Variants in SYNE1 observed in about 807,000 individuals in gnomAD.
SYNE1 encodes the protein nesprin-1.
SYNE1 carries 616 observed loss-of-function variants against 1,111.0 expected under a neutral mutation model. That is an observed-to-expected ratio of 0.55 (90% CI 0.52 to 0.59). The LOEUF (loss-of-function observed/expected upper bound fraction) is 0.59. SYNE1 is among the 20% of genes least tolerant of loss of function. SYNE1 has a pLI of 0.00. For missense variants in SYNE1, 10,006 were observed against 10,417.0 expected (o/e 0.96, Z 1.72); for synonymous variants, 3,855 against 3,825.8 (o/e 1.01, Z -0.28).
At chr6:152,152,218 T>C (rs1317791506) in intron 133 of SYNE1, 77 bp from the exon 134 acceptor site, 1 of 1,313,720 alleles carries the variant, frequency 7.6e-7, no homozygotes, top group Non-Finnish European at 1.1e-6. Flanking sequence ...TTTCTTATTG[T>C]AGCGTCTGGG....
intron 75 of SYNE1, among the ~76,000 whole-genome samples, chr6:152,337,352 C>T (rs909005238): frequency 5.9e-5 from 9 of 151,706 alleles, no homozygotes; most frequent in Admixed American, 1.3e-4. Flanking sequence ...TGCAATGGCA[C>T]GATCTCGGCT....
chr6:152,572,043 C>T (rs1186244892), intron 3 of SYNE1, among the ~76,000 whole-genome samples: 4 of 152,162 alleles, frequency 2.6e-5, no homozygotes, highest in Non-Finnish European at 4.4e-5. Flanking sequence ...AGCTTTATCA[C>T]CGCAATCTTG....
At chr6:152,430,947 C>T (rs1017282269) in intron 34 of SYNE1, among the ~76,000 whole-genome samples, 13 of 152,114 alleles carry the variant, frequency 8.5e-5, no homozygotes, top group African/African-American at 3.1e-4. Context: ...GGAGAAATAG[C>T]TACTCTTGCT....
rs143510658 is a variant in SYNE1, at chr6:152,543,979, C to A, written c.68-3958G>T. Among the ~76,000 whole-genome samples the A allele has an allele frequency of 1.4e-3, 214 of 152,308 alleles. 1 individual carries two copies. The highest frequency in any genetic ancestry group is 4.8e-3 in the African/African-American group (198 of 41,576). The stretch of plus-strand genomic sequence containing the variant: ...ATGAATTCACCTAGAAGACAAATTT[C>A]TCAGAATATAACTCCATCATTAAGC... On this transcript the variant is annotated intron_variant, in intron 3 of 145. Coordinates refer to ENST00000367255, the MANE Select transcript of SYNE1 (RefSeq NM_182961.4).
intron 49 of SYNE1, 32 bp from the exon 50 acceptor site, chr6:152,397,012 G>A (rs765295543): frequency 1.2e-6 from 2 of 1,600,392 alleles, no homozygotes; most frequent in South Asian, 2.2e-5. Context: ...ATAGGTCCAT[G>A]GGACTATGCA....
chr6:152,505,513 AG>A (rs1253567910), intron 8 of SYNE1, 116 bp from the exon 9 acceptor site: 6 of 1,133,576 alleles, frequency 5.3e-6, no homozygotes, highest in Non-Finnish European at 7.6e-6. Context: ...GAGCTGTATC[AG>A]TTCATTGTAT....
chr6:152,372,250 C>T (rs7760296), intron 59 of SYNE1, among the ~76,000 whole-genome samples: 8,760 of 151,982 alleles, frequency 0.058, 849 homozygotes, highest in African/African-American at 0.2. Context: ...ATGCTGGCCA[C>T]GAAAAAACAG....
chr6:152,280,183 T>G (rs2093947179), intron 97 of SYNE1, among the ~76,000 whole-genome samples: 1 of 152,240 alleles, frequency 6.6e-6, no homozygotes, highest in South Asian at 2.1e-4. Flanking sequence ...GAATTCATAT[T>G]AGATTTTAAC....
At chr6:152,170,692 T>C (rs1218576148) in intron 130 of SYNE1, among the ~76,000 whole-genome samples, 2 of 152,224 alleles carry the variant, frequency 1.3e-5, no homozygotes, top group Non-Finnish European at 2.9e-5. Context: ...TGCTAGGAAC[T>C]TCACAAAGCC....
Position 152,343,950 on chromosome 6 carries a change from C to T in SYNE1, c.12225+131G>A, listed in dbSNP as rs375025980. ...GGCACATGAACTCCACTAGAGCCAA[C>T]CTCAGACCTTCTTCCTACTTTTAGA... On this transcript the variant is annotated intron_variant, in intron 74 of 145. Coordinates refer to ENST00000367255, the MANE Select transcript of SYNE1 (RefSeq NM_182961.4). 24 of 1,331,024 alleles carry T rather than the reference C, an allele frequency of 1.8e-5. No individual in the cohort carries two copies. The East Asian group carries it at 5.3e-4, about 29-fold the overall frequency. 82.5% of individuals were successfully genotyped at this position (1,331,024 alleles called of 1,614,324 possible). A position where few individuals can be genotyped will look rare whatever the true frequency, so the allele number is the denominator to read the frequency against.
In SYNE1 at chr6:152,427,705, A is replaced by C. The variant is rs767477486; in HGVS notation, c.5088T>G (p.Leu1696=). The change falls in exon 38 of 146, where the codon CTT becomes CTG. Residue 1696 remains leucine, a synonymous_variant. Coordinates refer to ENST00000367255, the MANE Select transcript of SYNE1 (RefSeq NM_182961.4). ...SADRVKVEGE[L]QLIQALQNEV... is the part of the protein sequence containing the mutation. ...TCCTTGAACTTGCCTGTATTAACTGAAGTTCACCTTCCACTTTGACTCTGT... is the reference window on the plus strand; with the variant it reads ...TCCTTGAACTTGCCTGTATTAACTGCAGTTCACCTTCCACTTTGACTCTGT... 8.7e-6 allele frequency: 14 copies of C among 1,614,004 alleles called. No individual in the cohort carries two copies. The highest frequency in any genetic ancestry group is 1.2e-5 in the Non-Finnish European group (14 of 1,180,026).
chr6:152,382,175 T>C (rs1238987098), intron 55 of SYNE1, among the ~76,000 whole-genome samples: 1 of 152,170 alleles, frequency 6.6e-6, no homozygotes, highest in Non-Finnish European at 1.5e-5. Flanking sequence ...TTTTTCTTGG[T>C]GAAATAATCA....
At chr6:152,164,670 A>G (rs1436077006) in intron 130 of SYNE1, among the ~76,000 whole-genome samples, 1 of 152,204 alleles carries the variant, frequency 6.6e-6, no homozygotes, top group Non-Finnish European at 1.5e-5. Context: ...GCAAAAATCA[A>G]TTATTGACTC....
chr6:152,496,992 A>T (rs910677016), intron 11 of SYNE1, among the ~76,000 whole-genome samples: 72 of 151,980 alleles, frequency 4.7e-4, no homozygotes, highest in African/African-American at 1.7e-3. Context: ...TGCAAGAGAA[A>T]AAACCCCTTT....
chr6:152,564,370 G>A (rs1049272419), intron 3 of SYNE1, among the ~76,000 whole-genome samples: 5 of 152,132 alleles, frequency 3.3e-5, no homozygotes, highest in Non-Finnish European at 7.3e-5. Context: ...AGACAGGAGC[G>A]CAGTGGCATG....
At position 152,345,006 on chromosome 6, in the gene SYNE1, T is replaced by C. The variant is rs1229834271; in HGVS notation, c.12079-779A>G. Among the ~76,000 whole-genome samples the C allele has an allele frequency of 3.3e-5, 5 of 152,212 alleles. No individual in the cohort carries two copies. The East Asian group carries it at 5.8e-4, about 18-fold the overall frequency. ...ATTATTGAGACAATAGAAGCAATCA[T>C]TGAATTCTGCTTTTCTCTGTCATCT... On this transcript the variant is annotated intron_variant, in intron 73 of 145. Transcript: ENST00000367255.
At chr6:152,586,298 A>G (rs2099538706) in intron 3 of SYNE1, among the ~76,000 whole-genome samples, 1 of 152,082 alleles carries the variant, frequency 6.6e-6, no homozygotes, top group East Asian at 1.9e-4. Flanking sequence ...TGACATCTTT[A>G]TTGTGAGTTT....
At position 152,261,222 on chromosome 6, in the gene SYNE1, A is replaced by C. The variant is rs181719401; in HGVS notation, c.18972+810T>G. 3.4e-3 allele frequency among the ~76,000 whole-genome samples: 512 copies of C among 152,316 alleles called. 1 individual carries two copies. The highest frequency in any genetic ancestry group is 5.9e-3 in the Non-Finnish European group (404 of 68,028). ...AATACTGCTGACTTGGAATGAGCCTAGATGGACGCTGCTAGCCCAGGACAA... is the reference window on the plus strand; with the variant it reads ...AATACTGCTGACTTGGAATGAGCCTCGATGGACGCTGCTAGCCCAGGACAA... On this transcript the variant is annotated intron_variant, in intron 101 of 145. Transcript: ENST00000367255.
At chr6:152,635,000 C>A (rs2099703838) in intron 2 of SYNE1, among the ~76,000 whole-genome samples, 1 of 152,334 alleles carries the variant, frequency 6.6e-6, no homozygotes, top group Middle Eastern at 3.4e-3. Context: ...ACCAACCTTG[C>A]CCAGTTATGG....
Sources: allele counts gnomAD v4.1 joint callset (sites outside exome capture counted in the v4.1 genomes callset), GRCh38; gene constraint gnomAD v4.1.1; transcripts MANE v1.5; gene names NCBI Gene and HGNC (gene_info 2026-07-23, HGNC 2026-07-21).